Variants in ASAP2 observed in about 807,000 individuals in gnomAD.
The protein encoded by ASAP2 is ArfGAP with SH3 domain, ankyrin repeat and PH domain 2, also known as arf-GAP with SH3 domain, ANK repeat and PH domain-containing protein 2.
In ASAP2, 45 loss-of-function variants were observed where a neutral mutation model predicts 131.4. The observed-to-expected ratio is 0.34, with a 90% CI of 0.27 to 0.44. ASAP2 has a LOEUF of 0.44. ASAP2 is among the 20% of genes least tolerant of loss of function. The pLI is 1.00. For synonymous variants in ASAP2, 510 were observed against 503.0 expected, an observed-to-expected ratio of 1.01 and a Z score of -0.19; for missense variants, 1,011 against 1,297.0, an observed-to-expected ratio of 0.78 and a Z score of 3.39.
intron 2 of ASAP2, among the ~76,000 whole-genome samples, chr2:9,286,447 A>AAATATATATATATATATATATATATAT (rs58605449): frequency 6.7e-6 from 1 of 148,418 alleles, no homozygotes; most frequent in African/African-American, 2.5e-5. Flanking sequence ...GAAAAAAAAA[A>AAATATATATATATATATATATATATAT]ATATATATAT....
Position 9,232,715 on chromosome 2 carries a change from A to G in ASAP2, c.126+25485A>G, listed in dbSNP as rs993792687. Among the ~76,000 whole-genome samples the G allele has an allele frequency of 4.6e-5, 7 of 152,188 alleles. No homozygotes were observed. Among genetic ancestry groups the G allele is most frequent in the African/African-American group, 1.7e-4 (7 of 41,430 alleles). On this transcript the variant is annotated intron_variant, in intron 1 of 27. Coordinates refer to ENST00000281419, the MANE Select transcript of ASAP2 (RefSeq NM_003887.3). This position sits in a 1 kb window ranked among gnomAD's most constrained non-coding sequence, Gnocchi z 4.1. ...GTTGAATGAATAAAACTGACAGGCA[A>G]CTACAGCTTAGATTGCAGGGAGTGA... is the stretch of plus-strand genomic sequence containing the variant.
intron 1 of ASAP2, among the ~76,000 whole-genome samples, chr2:9,266,724 T>A (rs897871408): frequency 6.6e-6 from 1 of 152,216 alleles, no homozygotes; most frequent in African/African-American, 2.4e-5. Context: ...GCCGTCAAAG[T>A]TGCTACTTTA....
In ASAP2 at chr2:9,379,001, G is replaced by C; in HGVS notation, c.1890G>C (p.Leu630=). 6.3e-7 allele frequency: 1 copy of C among 1,575,822 alleles called. No homozygotes were observed. The highest frequency in any genetic ancestry group is 8.6e-7 in the Non-Finnish European group (1 of 1,160,240). Residue 630 remains leucine (L), a synonymous_variant, in exon 19 of 28, where the codon CTG becomes CTC. Coordinates refer to ENST00000281419, the MANE Select transcript of ASAP2 (RefSeq NM_003887.3). The part of the protein sequence containing the change: ...KGSTALHYCC[L]TDNAECLKLL... Reference sequence around the variant, plus strand: ...GCACAGCCCTGCACTACTGCTGCCTGACCGACAATGCCGAGTGCCTCAAGT... The same window carrying C: ...GCACAGCCCTGCACTACTGCTGCCTCACCGACAATGCCGAGTGCCTCAAGT...
intron 1 of ASAP2, among the ~76,000 whole-genome samples, chr2:9,210,852 A>G (rs541293523): frequency 6.7e-6 from 1 of 149,436 alleles, no homozygotes; most frequent in Non-Finnish European, 1.5e-5. Flanking sequence ...ACCCATGTGT[A>G]TTTTTTAAAA....
At chr2:9,336,367 G>A (rs1346912308) in intron 9 of ASAP2, among the ~76,000 whole-genome samples, 2 of 150,606 alleles carry the variant, frequency 1.3e-5, no homozygotes, top group African/African-American at 2.4e-5. Context: ...CCTCTGGAGC[G>A]CTGCCTCTGA....
chr2:9,373,225 C>T (rs78013848), intron 16 of ASAP2, among the ~76,000 whole-genome samples: 4,266 of 152,094 alleles, frequency 0.028, 190 homozygotes, highest in African/African-American at 0.098. Flanking sequence ...ATAAAAGTGC[C>T]AGAGCACAAG....
At chr2:9,348,138 GT>G (rs901971231) in intron 11 of ASAP2, among the ~76,000 whole-genome samples, 5 of 150,726 alleles carry the variant, frequency 3.3e-5, no homozygotes, top group African/African-American at 9.9e-5. Flanking sequence ...TTGTTTGTTT[GT>G]TTTTTTCTTT....
intron 9 of ASAP2, among the ~76,000 whole-genome samples, chr2:9,338,085 T>C (rs749054003): frequency 6.6e-6 from 1 of 152,208 alleles, no homozygotes; most frequent in Admixed American, 6.5e-5. Context: ...GTCCATCCGA[T>C]GGTGTTCTGC....
At chr2:9,245,465 A>G (rs1394532374) in intron 1 of ASAP2, among the ~76,000 whole-genome samples, 1 of 149,380 alleles carries the variant, frequency 6.7e-6, no homozygotes, top group Non-Finnish European at 1.5e-5. Flanking sequence ...AAGATTAGTC[A>G]TACATTTACT....
chr2:9,364,351 A>G (rs1047433242), intron 15 of ASAP2, among the ~76,000 whole-genome samples: 4 of 152,088 alleles, frequency 2.6e-5, no homozygotes, highest in African/African-American at 9.7e-5. Context: ...CTACAAAAAA[A>G]AAAAAGTTAG....
chr2:9,209,561 C>T (rs1661382526), intron 1 of ASAP2, among the ~76,000 whole-genome samples: 1 of 152,200 alleles, frequency 6.6e-6, no homozygotes, highest in South Asian at 2.1e-4. Context: ...AACTAGCAAA[C>T]TAATTTTATA....
At chr2:9,384,215 C>A (rs1675088548) in intron 20 of ASAP2, among the ~76,000 whole-genome samples, 1 of 152,272 alleles carries the variant, frequency 6.6e-6, no homozygotes, top group East Asian at 1.9e-4. Flanking sequence ...TAGGGAGGGA[C>A]TATTACCATC....
Position 9,275,787 on chromosome 2 carries a change from G to C in ASAP2, c.127-3530G>C, listed in dbSNP as rs185748981. On this transcript the variant is annotated intron_variant, in intron 1 of 27. Coordinates refer to ENST00000281419, the MANE Select transcript of ASAP2 (RefSeq NM_003887.3). ...TGGCAAGCTCTCTGGTAGGCACTGG[G>C]GATACAATGAACAAATATCAGTGAC... is the stretch of plus-strand genomic sequence containing the variant. 2.4e-3 allele frequency among the ~76,000 whole-genome samples: 368 copies of C among 151,962 alleles called. 1 individual carries two copies. Among genetic ancestry groups the C allele is most frequent in the Non-Finnish European group, 4.4e-3 (296 of 67,998 alleles).
chr2:9,303,743 C>T (rs986358424), intron 3 of ASAP2, among the ~76,000 whole-genome samples: 6 of 152,202 alleles, frequency 3.9e-5, no homozygotes, highest in African/African-American at 7.2e-5. Context: ...TGTCAGATAT[C>T]TACATTTTGG....
chr2:9,241,896 A>G (rs1042819894), intron 1 of ASAP2, among the ~76,000 whole-genome samples: 1 of 152,194 alleles, frequency 6.6e-6, no homozygotes, highest in Non-Finnish European at 1.5e-5. Flanking sequence ...ATGGTTGCAC[A>G]TGTTAGGGTC....
intron 1 of ASAP2, among the ~76,000 whole-genome samples, chr2:9,275,574 C>G (rs1273811001): frequency 6.6e-6 from 1 of 152,202 alleles, no homozygotes; most frequent in East Asian, 1.9e-4. Flanking sequence ...AGCCAGTTCC[C>G]TCTTCTTTGC....
Position 9,388,449 on chromosome 2 carries a change from T to C in ASAP2, c.2286T>C (p.Thr762=). 6.2e-7 allele frequency: 1 copy of C among 1,614,160 alleles called. No individual in the cohort carries two copies. The highest frequency in any genetic ancestry group is 1.3e-5 in the African/African-American group (1 of 75,044). ...TGCCCAGCATCTTGCAGAATGAGAC[T>C]TACGGAGCCCTCCTGAGTGGCAGCC... ...AFMPSILQNE[T]YGALLSGSPP... is the part of the protein sequence containing the mutation. The change falls in exon 22 of 28, where the codon ACT becomes ACC. Residue 762 remains threonine, a synonymous_variant. Coordinates refer to ENST00000281419, the MANE Select transcript of ASAP2 (RefSeq NM_003887.3).
chr2:9,297,551 T>G, intron 3 of ASAP2, 106 bp downstream of exon 3: 1 of 1,344,746 alleles, frequency 7.4e-7, no homozygotes, highest in Non-Finnish European at 1.0e-6. Flanking sequence ...ATTTCATAGT[T>G]CCTTGGGTAC....
intron 9 of ASAP2, among the ~76,000 whole-genome samples, chr2:9,343,023 C>T (rs1404689212): frequency 6.6e-6 from 1 of 152,210 alleles, no homozygotes; most frequent in Non-Finnish European, 1.5e-5. Context: ...TGCGTTAGTT[C>T]TTTCATCGTT....
Sources: gnomAD v4.1 joint callset for allele counts (sites outside exome capture counted in the v4.1 genomes callset) on GRCh38, gnomAD v4.1.1 for gene constraint, Gnocchi (gnomAD v3.1) non-coding constraint, MANE v1.5 for transcripts, NCBI Gene and HGNC (gene_info 2026-07-23, HGNC 2026-07-21) for gene names.